Variants in PROM1 observed in about 807,000 individuals in gnomAD.
PROM1 encodes the protein prominin-1.
In PROM1, 105 loss-of-function variants were observed where a neutral mutation model predicts 116.9. The ratio of observed to expected loss-of-function variants is 0.90; its 90% CI spans 0.77 to 1.06. The LOEUF is 1.06. Among genes scored for constraint, PROM1 ranks in the 50% least tolerant of loss-of-function variants. The probability of loss-of-function intolerance (pLI) is 0.00; values close to 1 mark genes in which losing one functional copy is unlikely to be tolerated. For missense variants in PROM1, 1,122 were observed against 1,045.2 expected (o/e 1.07, Z -1.01); for synonymous variants, 393 against 387.0 (o/e 1.02, Z -0.18).
chr4:16,067,803 T>C (rs1450276343), intron 2 of PROM1, among the ~76,000 whole-genome samples: 1 of 151,694 alleles, frequency 6.6e-6, no homozygotes, highest in Non-Finnish European at 1.5e-5. Context: ...TCTCTCTGCC[T>C]CTGAGGCCAT....
At chr4:16,030,094 G>T (rs1732286744) in intron 5 of PROM1, among the ~76,000 whole-genome samples, 1 of 152,030 alleles carries the variant, frequency 6.6e-6, no homozygotes, top group African/African-American at 2.4e-5. Flanking sequence ...TGCCTAGCTT[G>T]GATTACTTGC....
chr4:16,028,497 T>A lies in PROM1; in HGVS notation c.510-3185A>T, dbSNP rs190192385. On this transcript the variant is annotated intron_variant, in intron 5 of 27. Transcript: ENST00000447510. ...AAATATTAGCAACTAACAAAAAAAA[T>A]TTAAATACTATGCAGACCAACTGAT... Among the ~76,000 whole-genome samples the A allele has an allele frequency of 2.4e-3, 372 of 152,254 alleles. 1 individual carries two copies. Among genetic ancestry groups the A allele is most frequent in the African/African-American group, 8.4e-3 (348 of 41,540 alleles).
chr4:16,053,653 C>T (rs1738363200), intron 2 of PROM1, among the ~76,000 whole-genome samples: 3 of 152,170 alleles, frequency 2.0e-5, no homozygotes, highest in Middle Eastern at 3.4e-3. Context: ...TTTGGGTTTG[C>T]TTTAAATGCT....
chr4:16,046,669 C>A (rs1441312067), intron 2 of PROM1, among the ~76,000 whole-genome samples: 1 of 152,160 alleles, frequency 6.6e-6, no homozygotes, highest in African/African-American at 2.4e-5. Context: ...TTAAGACATA[C>A]AAATACACAT....
intron 1 of PROM1, chr4:16,080,848 A>C (rs1291273144): frequency 6.6e-6 from 1 of 152,172 alleles, no homozygotes; most frequent in East Asian, 1.9e-4. Context: ...GACAGTATCT[A>C]ATTCATTCCA....
rs975609357 is a variant in PROM1, at chr4:15,992,352, C to T, written c.1807G>A (p.Val603Ile). The T allele has an allele frequency of 6.2e-7, 1 of 1,613,776 alleles. No homozygotes were observed. Among genetic ancestry groups the T allele is most frequent in the Non-Finnish European group, 8.5e-7 (1 of 1,179,860 alleles). ...CCCAACAGAAAGATATTAAGATTTA[C>T]CTTCAGACTTTCCAATTCACTGCTT... ...SISSELESLK[V>I]NLNIFLLGAA... Residue 603 changes from valine to isoleucine, a missense_variant, in exon 17 of 28, where the codon GTA becomes ATA. Physicochemically the swap from Val to Ile is conservative, Grantham distance 29. Coordinates refer to ENST00000447510, the MANE Select transcript of PROM1 (RefSeq NM_006017.3).
At chr4:16,065,363 G>A (rs1741281827) in intron 2 of PROM1, among the ~76,000 whole-genome samples, 1 of 152,120 alleles carries the variant, frequency 6.6e-6, no homozygotes, top group Admixed American at 6.5e-5. Context: ...TCTGTGTCTT[G>A]AACTCTTCCA....
intron 15 of PROM1, among the ~76,000 whole-genome samples, chr4:15,997,227 T>C (rs1299842434): frequency 6.6e-6 from 1 of 150,468 alleles, no homozygotes; most frequent in Admixed American, 6.6e-5. Context: ...AACATATATA[T>C]ATATATGAAA....
rs766577396 is a variant in PROM1 at position 15,980,475 on chromosome 4, C to T, written c.2436G>A (p.Ala812=). Residue 812 remains alanine (A), a synonymous_variant, in exon 24 of 28, where the codon GCG becomes GCA. Coordinates refer to ENST00000447510, the MANE Select transcript of PROM1 (RefSeq NM_006017.3). ...GACGATAGTACTTAGCCAGTTTTAC[C>T]GCAAAAATTAGAGCCGGAAGTAAAA... is the stretch of plus-strand genomic sequence containing the variant. ...TVFLLPALIF[A]VKLAKYYRRM... is the part of the protein sequence containing the mutation. 42 of 1,556,614 alleles carry T rather than the reference C, an allele frequency of 2.7e-5. No individual in the cohort carries two copies. The highest frequency in any genetic ancestry group is 1.8e-4 in the African/African-American group (13 of 73,276).
At chr4:16,009,884 T>C (rs1171489894) in intron 11 of PROM1, among the ~76,000 whole-genome samples, 1 of 146,546 alleles carries the variant, frequency 6.8e-6, no homozygotes, top group Non-Finnish European at 1.5e-5. Context: ...TGAGCCAAGA[T>C]TGTGCCATTC....
rs1451002459 is a variant in PROM1, at chr4:16,012,938, A to C, written c.1141+337T>G. 3.9e-5 allele frequency among the ~76,000 whole-genome samples: 6 copies of C among 151,934 alleles called. No homozygotes were observed. The South Asian group carries it at 1.2e-3, about 32-fold the overall frequency. On this transcript the variant is annotated intron_variant, in intron 11 of 27. Coordinates refer to ENST00000447510, the MANE Select transcript of PROM1 (RefSeq NM_006017.3). The stretch of plus-strand genomic sequence containing the variant: ...TTGTTTAGAAAATATAATAATCTAC[A>C]GTTTTTCTCTTCAGTGAAAATCAGA...
At chr4:16,046,756 C>G (rs1208212733) in intron 2 of PROM1, among the ~76,000 whole-genome samples, 3 of 152,174 alleles carry the variant, frequency 2.0e-5, no homozygotes, top group Non-Finnish European at 4.4e-5. Flanking sequence ...AGAATGACCC[C>G]ATCGACTCAC....
chr4:16,070,863 G>C (rs1742647597), intron 2 of PROM1, among the ~76,000 whole-genome samples: 1 of 152,204 alleles, frequency 6.6e-6, no homozygotes, highest in Non-Finnish European at 1.5e-5. Context: ...TAAGGGAACA[G>C]CAGCAAGGAC....
chr4:16,030,656 C>T (rs1021324055), intron 5 of PROM1, among the ~76,000 whole-genome samples: 8 of 152,084 alleles, frequency 5.3e-5, no homozygotes, highest in African/African-American at 1.9e-4. Context: ...GCATTTTCAA[C>T]ATAATGTAAA....
chr4:15,997,848 T>C (rs1468818678), intron 15 of PROM1, among the ~76,000 whole-genome samples: 1 of 152,178 alleles, frequency 6.6e-6, no homozygotes, highest in African/African-American at 2.4e-5. Flanking sequence ...GTATCTTACT[T>C]AACCCTAAAA....
intron 26 of PROM1, among the ~76,000 whole-genome samples, chr4:15,974,295 C>T (rs539797924): frequency 1.3e-5 from 2 of 151,662 alleles, no homozygotes; most frequent in South Asian, 2.1e-4. Context: ...ACAGAAGCAT[C>T]GTTGGAAAAA....
chr4:15,980,262 G>GAAA (rs3841512), intron 24 of PROM1, 160 bp downstream of exon 24: 8 of 580,374 alleles, frequency 1.4e-5, no homozygotes, highest in South Asian at 2.1e-5. Flanking sequence ...TCAGTACCAA[G>GAAA]AAAAAAAAAT....
chr4:16,015,925 G>T (rs911333864), intron 10 of PROM1, among the ~76,000 whole-genome samples: 20 of 152,140 alleles, frequency 1.3e-4, no homozygotes, highest in African/African-American at 4.8e-4. Flanking sequence ...GAAAGCAGAG[G>T]TCATGTTCTT....
chr4:16,068,792 A>G (rs895420055), intron 2 of PROM1, among the ~76,000 whole-genome samples: 2 of 152,122 alleles, frequency 1.3e-5, no homozygotes, highest in African/African-American at 4.8e-5. Flanking sequence ...GGCCTCTCAA[A>G]TTCCATGGAA....
Sources: allele counts gnomAD v4.1 joint callset (sites outside exome capture counted in the v4.1 genomes callset), GRCh38; gene constraint gnomAD v4.1.1; transcripts MANE v1.5; gene names NCBI Gene and HGNC (gene_info 2026-07-23, HGNC 2026-07-21).